The following RAB2A variants were observed in gnomAD, a reference collection of about 807,000 sequenced individuals.
RAB2A encodes the protein RAB2A, member RAS oncogene family, also known as ras-related protein Rab-2A.
A neutral mutation model predicts 32.5 loss-of-function variants in RAB2A; 7 were observed. The observed-to-expected ratio is 0.22, with a 90% CI of 0.12 to 0.40. The LOEUF is 0.40. Among genes scored for constraint, RAB2A ranks in the 10% least tolerant of loss-of-function variants. RAB2A has a pLI of 1.00. For missense variants in RAB2A, 108 were observed against 260.7 expected (o/e 0.41, Z 4.03); for synonymous variants, 79 against 85.2 (o/e 0.93, Z 0.40).
intron 5 of RAB2A, among the ~76,000 whole-genome samples, chr8:60,589,883 C>G (rs1445180566): frequency 6.6e-6 from 1 of 151,988 alleles, no homozygotes; most frequent in Non-Finnish European, 1.5e-5. Context: ...GTAAATTATA[C>G]CTTTATACGT....
At chr8:60,620,090 T>C (rs191634793) in intron 7 of RAB2A, among the ~76,000 whole-genome samples, 78 of 152,382 alleles carry the variant, frequency 5.1e-4, no homozygotes, top group Non-Finnish European at 7.9e-4. Context: ...ACTGTATTAC[T>C]TTTCTCAAAG....
chr8:60,614,433 T>C (rs1227043894), intron 6 of RAB2A, among the ~76,000 whole-genome samples: 1 of 152,074 alleles, frequency 6.6e-6, no homozygotes, highest in African/African-American at 2.4e-5. Flanking sequence ...TTTTTCTTAA[T>C]AGAGACAGGG....
intron 1 of RAB2A, among the ~76,000 whole-genome samples, chr8:60,553,375 T>G (rs1441418651): frequency 6.6e-6 from 1 of 152,244 alleles, no homozygotes; most frequent in African/African-American, 2.4e-5. Flanking sequence ...TTATTACTTG[T>G]ATGATGCCTT....
Position 60,531,046 on chromosome 8 carries a change from C to G in RAB2A, c.46+13793C>G, listed in dbSNP as rs549468676. On this transcript the variant is annotated intron_variant, in intron 1 of 7. Coordinates refer to ENST00000262646, the MANE Select transcript of RAB2A (RefSeq NM_002865.3). ...CACCCTATAGGGTTATTCACCAAGA[C>G]TCAGGGTTTTGTTTTGTTTTTTTCC... Among the ~76,000 whole-genome samples the G allele has an allele frequency of 2.0e-5, 3 of 152,328 alleles. No individual in the cohort carries two copies. In the East Asian group the frequency reaches 5.8e-4, roughly 29 times the overall value.
chr8:60,557,443 G>C (rs1480556900), intron 1 of RAB2A, among the ~76,000 whole-genome samples: 1 of 152,110 alleles, frequency 6.6e-6, no homozygotes, highest in Non-Finnish European at 1.5e-5. Flanking sequence ...TTGAACCTGG[G>C]AGACGGAGTT....
chr8:60,584,064 T>C (rs1161553149), intron 3 of RAB2A, 144 bp from the exon 4 acceptor site: 1 of 661,866 alleles, frequency 1.5e-6, no homozygotes, highest in African/African-American at 1.8e-5. Context: ...TTTTGTAACT[T>C]TTTCCTAAGA....
At chr8:60,574,804 C>T (rs989749869) in intron 3 of RAB2A, among the ~76,000 whole-genome samples, 1 of 152,044 alleles carries the variant, frequency 6.6e-6, no homozygotes, top group Non-Finnish European at 1.5e-5. Context: ...TTATGCTGGA[C>T]AGTATGAGAA....
chr8:60,539,872 AC>A (rs1162503098), intron 1 of RAB2A, among the ~76,000 whole-genome samples: 1 of 152,090 alleles, frequency 6.6e-6, no homozygotes, highest in African/African-American at 2.4e-5. Flanking sequence ...TAAGTTCCAC[AC>A]CTTGTACTGT....
intron 6 of RAB2A, among the ~76,000 whole-genome samples, chr8:60,609,195 C>G (rs905033618): frequency 1.3e-5 from 2 of 152,112 alleles, no homozygotes; most frequent in Non-Finnish European, 2.9e-5. Context: ...AGTGTTCTCT[C>G]CCCTTCTCCA....
intron 6 of RAB2A, among the ~76,000 whole-genome samples, chr8:60,614,239 A>G (rs868083949): frequency 2.8e-5 from 3 of 106,622 alleles, no homozygotes; most frequent in African/African-American, 7.0e-5. Flanking sequence ...GCATTCTTCT[A>G]TCGGTTAGTG....
chr8:60,585,001 CTGT>C (rs1337690287), intron 5 of RAB2A, among the ~76,000 whole-genome samples, 186 bp downstream of exon 5: 22 of 152,166 alleles, frequency 1.4e-4, no homozygotes, highest in Admixed American at 3.9e-4. Flanking sequence ...GAAATTATTA[CTGT>C]TATTATTAGA....
chr8:60,604,294 C>T (rs1255669329), intron 6 of RAB2A, among the ~76,000 whole-genome samples: 1 of 152,184 alleles, frequency 6.6e-6, no homozygotes, highest in African/African-American at 2.4e-5. Flanking sequence ...TACAATTAAA[C>T]TTCTTTTCTT....
At chr8:60,558,511 C>T (rs1202906370) in intron 1 of RAB2A, 2 of 495,232 alleles carry the variant, frequency 4.0e-6, no homozygotes, top group Admixed American at 2.2e-5. Context: ...TAAATATTTT[C>T]ACTGTAACAC....
At chr8:60,558,767 T>G (rs1418665313) in intron 1 of RAB2A, 85 bp from the exon 2 acceptor site, 1 of 1,128,386 alleles carries the variant, frequency 8.9e-7, no homozygotes, top group Non-Finnish European at 1.3e-6. Context: ...CCAGAAACCC[T>G]GGCTGCCTCT....
intron 2 of RAB2A, among the ~76,000 whole-genome samples, chr8:60,562,892 C>T (rs1455618448): frequency 1.3e-5 from 2 of 152,076 alleles, no homozygotes; most frequent in Admixed American, 6.5e-5. Flanking sequence ...TACCACCATT[C>T]ATTCAGTCAA....
chr8:60,527,813 A>G (rs1431620244), intron 1 of RAB2A, among the ~76,000 whole-genome samples: 1 of 152,172 alleles, frequency 6.6e-6, no homozygotes, highest in Non-Finnish European at 1.5e-5. Context: ...TTTGCTTCTG[A>G]TTCCTCTTAA....
chr8:60,530,567 T>C (rs1457700353), intron 1 of RAB2A, among the ~76,000 whole-genome samples: 1 of 152,140 alleles, frequency 6.6e-6, no homozygotes, highest in African/African-American at 2.4e-5. Context: ...TGGATTACAA[T>C]ATGAACCACC....
intron 1 of RAB2A, among the ~76,000 whole-genome samples, chr8:60,556,349 A>G (rs912266754): frequency 2.0e-5 from 3 of 152,212 alleles, no homozygotes; most frequent in African/African-American, 7.2e-5. Context: ...TAGCTACAAG[A>G]GAGGATTTTT....
chr8:60,618,746 T>C, intron 7 of RAB2A, 98 bp downstream of exon 7: 1 of 424,596 alleles, frequency 2.4e-6, no homozygotes, highest in Non-Finnish European at 3.4e-6. Flanking sequence ...TTTTATAATT[T>C]TTTTAATTCC....
Sources: gnomAD v4.1 joint callset for allele counts (sites outside exome capture counted in the v4.1 genomes callset) on GRCh38, gnomAD v4.1.1 for gene constraint, MANE v1.5 for transcripts, NCBI Gene and HGNC (gene_info 2026-07-23, HGNC 2026-07-21) for gene names.